ZSWIM6: variants seen among roughly 807,000 people sequenced by gnomAD.
ZSWIM6 encodes zinc finger SWIM-type containing 6.
In ZSWIM6, 9 loss-of-function variants were observed where a neutral mutation model predicts 113.2. The ratio of observed to expected loss-of-function variants is 0.08; its 90% CI spans 0.05 to 0.14. The LOEUF (loss-of-function observed/expected upper bound fraction) is 0.14, where lower values mean the gene tolerates loss of function less well. Among genes scored for constraint, ZSWIM6 ranks in the 10% least tolerant of loss-of-function variants. ZSWIM6 has a pLI of 1.00. For missense variants in ZSWIM6, 1,162 were observed against 1,552.2 expected (o/e 0.75, Z 4.22); for synonymous variants, 611 against 606.5 (o/e 1.01, Z -0.11).
At chr5:61,503,524 G>A (rs1184119660) in intron 4 of ZSWIM6, among the ~76,000 whole-genome samples, 2 of 152,178 alleles carry the variant, frequency 1.3e-5, no homozygotes, top group Non-Finnish European at 2.9e-5. Context: ...GTCTTCCTTT[G>A]TGTATGATCA....
chr5:61,365,094 C>G (rs1319093554), intron 1 of ZSWIM6, among the ~76,000 whole-genome samples: 1 of 152,098 alleles, frequency 6.6e-6, no homozygotes, highest in Non-Finnish European at 1.5e-5. Context: ...CGCTTATAAT[C>G]CCAGGATTTT....
chr5:61,426,820 T>C (rs1394679168), intron 1 of ZSWIM6, among the ~76,000 whole-genome samples: 3 of 152,010 alleles, frequency 2.0e-5, no homozygotes, highest in East Asian at 1.9e-4. Context: ...TCTTTTTTTT[T>C]TTTTTTCTCA....
intron 4 of ZSWIM6, among the ~76,000 whole-genome samples, chr5:61,499,012 C>T (rs1196574465): frequency 6.6e-6 from 1 of 152,072 alleles, no homozygotes; most frequent in South Asian, 2.1e-4. Flanking sequence ...CTCAAGCTTG[C>T]CACATTTTAT....
intron 2 of ZSWIM6, among the ~76,000 whole-genome samples, chr5:61,487,269 G>A (rs1173864477): frequency 6.6e-6 from 1 of 151,974 alleles, no homozygotes; most frequent in Non-Finnish European, 1.5e-5. Flanking sequence ...TTTTATACTA[G>A]CACCAGGCTG....
intron 4 of ZSWIM6, among the ~76,000 whole-genome samples, chr5:61,516,749 C>T (rs994996101): frequency 2.0e-5 from 3 of 151,704 alleles, no homozygotes; most frequent in Non-Finnish European, 4.4e-5. Context: ...TTCTATTGTT[C>T]TTCCTTTATT....
intron 7 of ZSWIM6, among the ~76,000 whole-genome samples, chr5:61,527,692 A>G (rs933641558): frequency 1.3e-5 from 2 of 152,246 alleles, no homozygotes; most frequent in African/African-American, 4.8e-5. Context: ...TCTGAATAGT[A>G]TAAAGGATAA....
chr5:61,410,598 G>A (rs1489416023), intron 1 of ZSWIM6, among the ~76,000 whole-genome samples: 2 of 152,080 alleles, frequency 1.3e-5, no homozygotes, highest in Non-Finnish European at 2.9e-5. Flanking sequence ...ATGAGCCACC[G>A]TGCCCGGCGA....
rs566126712 is a variant in ZSWIM6 at position 61,436,200 on chromosome 5, TA to T, written c.677-36463del. On this transcript the variant is annotated intron_variant, in intron 1 of 13. Transcript: ENST00000252744. Reference sequence around the variant, plus strand: ...TGGGCAATAAGAGCAAGACTCTGTCTAAAAAAAAAAAAAAAAAATGTAGTCA... The same window carrying T: ...TGGGCAATAAGAGCAAGACTCTGTCTAAAAAAAAAAAAAAAAATGTAGTCA... Among the ~76,000 whole-genome samples the T allele has an allele frequency of 4.3e-3, 527 of 121,636 alleles. 1 individual carries two copies. The highest frequency in any genetic ancestry group is 8.9e-3 in the Middle Eastern group (2 of 224). The allele number at this position is 121,636 out of a possible 152,430, so 79.8% of individuals were successfully genotyped here. A position where few individuals can be genotyped will look rare whatever the true frequency, so the allele number is the denominator to read the frequency against.
chr5:61,534,111 A>G (rs759457472), intron 9 of ZSWIM6, among the ~76,000 whole-genome samples: 3 of 152,200 alleles, frequency 2.0e-5, no homozygotes, highest in Non-Finnish European at 4.4e-5. Context: ...TTGGGAAGAA[A>G]TACATATTTA....
intron 1 of ZSWIM6, among the ~76,000 whole-genome samples, chr5:61,463,354 T>G (rs1747356458): frequency 6.6e-6 from 1 of 152,240 alleles, no homozygotes; most frequent in South Asian, 2.1e-4. Flanking sequence ...TTCTTCACTG[T>G]TCCATTTACT....
chr5:61,452,669 CT>C (rs1747110230), intron 1 of ZSWIM6, among the ~76,000 whole-genome samples: 4 of 152,138 alleles, frequency 2.6e-5, no homozygotes, highest in Admixed American at 2.6e-4. Flanking sequence ...CCAACCTCCC[CT>C]AATGTTAATA....
intron 1 of ZSWIM6, among the ~76,000 whole-genome samples, chr5:61,386,720 G>A (rs1310108209): frequency 6.6e-6 from 1 of 152,150 alleles, no homozygotes; most frequent in Admixed American, 6.5e-5. Flanking sequence ...AATATATTTT[G>A]AGATTCTGAA....
At chr5:61,481,648 C>T (rs1251277966) in intron 2 of ZSWIM6, among the ~76,000 whole-genome samples, 1 of 151,800 alleles carries the variant, frequency 6.6e-6, no homozygotes, top group African/African-American at 2.4e-5. Context: ...TGGGATAAAT[C>T]ACAACTAAAT....
chr5:61,514,676 A>C (rs900228829), intron 4 of ZSWIM6, among the ~76,000 whole-genome samples: 1 of 152,100 alleles, frequency 6.6e-6, no homozygotes. Context: ...AATTATACTA[A>C]TTTATTTTTG....
chr5:61,367,015 G>C (rs765006554), intron 1 of ZSWIM6, among the ~76,000 whole-genome samples: 8 of 151,590 alleles, frequency 5.3e-5, no homozygotes, highest in Non-Finnish European at 1.2e-4. Context: ...GTGATAGCAT[G>C]AGGAAGTAAA....
rs187544620 is a variant in ZSWIM6, at chr5:61,490,426, T to C, written c.1034-360T>C. Among the ~76,000 whole-genome samples, 416 of 152,200 alleles carry C rather than the reference T, an allele frequency of 2.7e-3. 1 individual carries two copies. The highest frequency in any genetic ancestry group is 5.1e-3 in the Non-Finnish European group (350 of 67,966). On this transcript the variant is annotated intron_variant, in intron 2 of 13. Transcript: ENST00000252744. Reference sequence around the variant, plus strand: ...TTACTTGTCTCATATTTTTCTAAAGTCTTTGAAAGACATTTTTTCCAGCAT... The same window carrying C: ...TTACTTGTCTCATATTTTTCTAAAGCCTTTGAAAGACATTTTTTCCAGCAT...
intron 1 of ZSWIM6, among the ~76,000 whole-genome samples, chr5:61,397,992 C>T (rs1745875736): frequency 6.6e-6 from 1 of 152,176 alleles, no homozygotes; most frequent in Non-Finnish European, 1.5e-5. Context: ...TCCTGTAAGC[C>T]TCTGGTTGCA....
intron 1 of ZSWIM6, among the ~76,000 whole-genome samples, chr5:61,406,776 G>C (rs932522028): frequency 2.0e-5 from 3 of 151,920 alleles, no homozygotes; most frequent in Non-Finnish European, 4.4e-5. Context: ...GCAGTGACAT[G>C]ATCTCGGCTC....
chr5:61,524,970 A>T (rs1749238949), intron 5 of ZSWIM6, among the ~76,000 whole-genome samples: 1 of 152,214 alleles, frequency 6.6e-6, no homozygotes, highest in Non-Finnish European at 1.5e-5. Flanking sequence ...CCAGGAGTTG[A>T]GGTGAGAATA....
Sources: allele counts gnomAD v4.1 joint callset (sites outside exome capture counted in the v4.1 genomes callset), GRCh38; gene constraint gnomAD v4.1.1; transcripts MANE v1.5; gene names NCBI Gene and HGNC (gene_info 2026-07-23, HGNC 2026-07-21).